BICD1: variants seen among roughly 807,000 people sequenced by gnomAD.
The protein encoded by BICD1 is BICD cargo adaptor 1, also known as protein bicaudal D homolog 1.
A neutral mutation model predicts 92.5 loss-of-function variants in BICD1; 35 were observed. The ratio of observed to expected loss-of-function variants is 0.38; its 90% CI spans 0.29 to 0.50. BICD1 has a LOEUF of 0.50. Among genes scored for constraint, BICD1 ranks in the 20% least tolerant of loss-of-function variants. BICD1 has a pLI of 0.93. For synonymous variants in BICD1, 429 were observed against 465.1 expected (o/e 0.92, Z 1.00); for missense variants, 950 against 1,189.8 (o/e 0.80, Z 2.97).
chr12:32,365,455 G>T (rs951766950), intron 8 of BICD1, among the ~76,000 whole-genome samples: 3 of 152,090 alleles, frequency 2.0e-5, no homozygotes, highest in African/African-American at 7.2e-5. Flanking sequence ...GCAAAACAAA[G>T]TCAAATATAT....
At chr12:32,133,210 A>G (rs530984892) in intron 1 of BICD1, among the ~76,000 whole-genome samples, 19 of 152,246 alleles carry the variant, frequency 1.2e-4, no homozygotes, top group East Asian at 5.8e-4. Context: ...TCTCCTGGCC[A>G]GGCGGGGTGG....
intron 9 of BICD1, among the ~76,000 whole-genome samples, chr12:32,376,250 A>T (rs1026653691): frequency 3.4e-5 from 5 of 149,112 alleles, no homozygotes; most frequent in South Asian, 4.3e-4. Context: ...TACCCAGCTA[A>T]TTTTTTTTTT....
At chr12:32,194,335 C>G (rs1944662133) in intron 1 of BICD1, among the ~76,000 whole-genome samples, 1 of 152,124 alleles carries the variant, frequency 6.6e-6, no homozygotes, top group Admixed American at 6.5e-5. Context: ...ATACATAGTA[C>G]TAGAAGTCCT....
intron 2 of BICD1, among the ~76,000 whole-genome samples, chr12:32,260,704 T>C (rs556193298): frequency 6.6e-6 from 1 of 152,120 alleles, no homozygotes; most frequent in South Asian, 2.1e-4. Context: ...TTCTGGGTCA[T>C]AGCCCATAGG....
At chr12:32,306,171 G>A in intron 4 of BICD1, 49 bp downstream of exon 4, 1 of 1,485,612 alleles carries the variant, frequency 6.7e-7, no homozygotes. Context: ...GTAGATTGCA[G>A]GTAGCATGTT....
chr12:32,240,590 G>A lies in BICD1; in HGVS notation c.426+24131G>A, dbSNP rs956327369. Among the ~76,000 whole-genome samples, 5 of 152,224 alleles carry A rather than the reference G, an allele frequency of 3.3e-5. No homozygotes were observed. In the South Asian group the frequency reaches 6.2e-4, roughly 19 times the overall value. ...ACTTAGGGTCTACCTTGCTAATTCC[G>A]GATAATCTCTGCATCTCAAAATCCT... On this transcript the variant is annotated intron_variant, in intron 2 of 9. Coordinates refer to ENST00000652176, the MANE Select transcript of BICD1 (RefSeq NM_001714.4).
intron 1 of BICD1, among the ~76,000 whole-genome samples, chr12:32,182,583 G>A (rs1329048896): frequency 2.6e-5 from 4 of 151,452 alleles, no homozygotes; most frequent in Non-Finnish European, 5.9e-5. Context: ...ATGCCCCGCT[G>A]TTTTCTACAT....
At chr12:32,107,922 T>G in intron 1 of BICD1, 2 of 549,222 alleles carry the variant, frequency 3.6e-6, no homozygotes. Flanking sequence ...TCCACAAAAG[T>G]GATGAGGTTT....
At chr12:32,233,046 T>C (rs1410557835) in intron 2 of BICD1, among the ~76,000 whole-genome samples, 1 of 151,934 alleles carries the variant, frequency 6.6e-6, no homozygotes, top group African/African-American at 2.4e-5. Flanking sequence ...CTGACATAGG[T>C]TTAAAAAAAT....
intron 1 of BICD1, among the ~76,000 whole-genome samples, chr12:32,122,031 G>T (rs963877784): frequency 6.6e-6 from 1 of 152,036 alleles, no homozygotes; most frequent in Non-Finnish European, 1.5e-5. Context: ...GTGCAGGCTC[G>T]TCTCAAACTG....
At chr12:32,260,388 G>A (rs996727011) in intron 2 of BICD1, among the ~76,000 whole-genome samples, 1 of 152,088 alleles carries the variant, frequency 6.6e-6, no homozygotes, top group African/African-American at 2.4e-5. Flanking sequence ...GCACTCTCTG[G>A]TTTTCCATGA....
intron 2 of BICD1, among the ~76,000 whole-genome samples, chr12:32,223,190 TG>T (rs1945585376): frequency 6.6e-6 from 1 of 152,198 alleles, no homozygotes; most frequent in African/African-American, 2.4e-5. Flanking sequence ...ACTTTTCTTT[TG>T]CAGCATTCTC....
At chr12:32,327,394 T>A in intron 4 of BICD1, 67 bp from the exon 5 acceptor site, 1 of 1,519,080 alleles carries the variant, frequency 6.6e-7, no homozygotes, top group Non-Finnish European at 8.8e-7. Context: ...TGCCCGACTG[T>A]GAATGGATTA....
chr12:32,218,562 C>T (rs1464390643), intron 2 of BICD1, among the ~76,000 whole-genome samples: 1 of 152,234 alleles, frequency 6.6e-6, no homozygotes, highest in Non-Finnish European at 1.5e-5. Flanking sequence ...GCACCATGAT[C>T]TCCTGAATAA....
intron 1 of BICD1, among the ~76,000 whole-genome samples, chr12:32,191,755 A>G (rs934929714): frequency 2.7e-5 from 4 of 150,686 alleles, no homozygotes; most frequent in Non-Finnish European, 3.0e-5. Flanking sequence ...TGATGTTACA[A>G]TAGTAATTGC....
chr12:32,291,631 A>T (rs1310719349), intron 2 of BICD1, among the ~76,000 whole-genome samples: 1 of 152,010 alleles, frequency 6.6e-6, no homozygotes, highest in Non-Finnish European at 1.5e-5. Flanking sequence ...TGCCTTCACG[A>T]GTTTGAGACC....
chr12:32,327,777 A>G lies in BICD1; in HGVS notation c.1322A>G (p.Tyr441Cys). The G allele has an allele frequency of 6.2e-7, 1 of 1,614,164 alleles. No homozygotes were observed. The highest frequency in any genetic ancestry group is 1.1e-5 in the South Asian group (1 of 91,086). Residue 441 changes from tyrosine to cysteine, a missense_variant, in exon 5 of 10, where the codon TAT becomes TGT. Tyr to Cys is a radical substitution (Grantham distance 194). This residue lies in a region of BICD1 where 309 missense variants were observed against 499.4 expected (regional missense o/e 0.62). Coordinates refer to ENST00000652176, the MANE Select transcript of BICD1 (RefSeq NM_001714.4). ...KAEIKALKEKYNKSVENYTDE... is the reference protein window; with the variant it reads ...KAEIKALKEKCNKSVENYTDE... ...GAAATTAAGGCCTTAAAGGAGAAAT[A>G]TAATAAATCTGTAGAAAACTACACT...
chr12:32,305,720 T>C lies in BICD1; in HGVS notation c.603T>C (p.His201=), dbSNP rs781082556. ...AGGTTGAATACGAAGGCTTAAAGCA[T>C]GAGATTAAGCGATTTGAGGAGGAGA... ...QNQVEYEGLK[H]EIKRFEEETV... Residue 201 remains histidine, a synonymous_variant, in exon 4 of 10, where the codon CAT becomes CAC. Coordinates refer to ENST00000652176, the MANE Select transcript of BICD1 (RefSeq NM_001714.4). 21 of 1,594,582 alleles carry C rather than the reference T, an allele frequency of 1.3e-5. No homozygotes were observed. The highest frequency in any genetic ancestry group is 1.8e-5 in the Non-Finnish European group (21 of 1,164,092).
chr12:32,124,641 G>A (rs961886024), intron 1 of BICD1, among the ~76,000 whole-genome samples: 2 of 152,170 alleles, frequency 1.3e-5, no homozygotes, highest in Non-Finnish European at 2.9e-5. Flanking sequence ...TTGAATCAGA[G>A]TAATCTCCTG....
Sources: allele counts gnomAD v4.1 joint callset (sites outside exome capture counted in the v4.1 genomes callset), GRCh38; gene constraint gnomAD v4.1.1; regional missense constraint gnomAD v4.1.1; transcripts MANE v1.5; gene names NCBI Gene and HGNC (gene_info 2026-07-23, HGNC 2026-07-21).